Variants in GPC6 observed in about 807,000 individuals in gnomAD.
GPC6 encodes the protein glypican 6.
Under a neutral mutation model 55.2 loss-of-function variants are expected in GPC6, and 14 were observed. That is an observed-to-expected ratio of 0.25 (90% confidence interval 0.17 to 0.40). The LOEUF (loss-of-function observed/expected upper bound fraction) is 0.40. Among genes scored for constraint, GPC6 ranks in the 10% least tolerant of loss-of-function variants. The pLI is 1.00. For synonymous variants in GPC6, 278 were observed against 259.6 expected (o/e 1.07, Z -0.68); for missense variants, 641 against 708.5 (o/e 0.90, Z 1.08).
intron 1 of GPC6, among the ~76,000 whole-genome samples, chr13:93,477,964 TG>T (rs1279361928): frequency 6.6e-6 from 1 of 151,218 alleles, no homozygotes; most frequent in Non-Finnish European, 1.5e-5. Context: ...AGATAGTTAA[TG>T]GTACTTGGAT....
Position 93,985,411 on chromosome 13 carries a change from C to T in GPC6, c.712-42318C>T, listed in dbSNP as rs544219261. ...GAGATCACACCACTGCACTCCAGCC[C>T]GGGCAACAGAGCAAGACTCCGTCTC... On this transcript the variant is annotated intron_variant, in intron 3 of 8. Coordinates refer to ENST00000377047, the MANE Select transcript of GPC6 (RefSeq NM_005708.5). Among the ~76,000 whole-genome samples, 97 of 150,980 alleles carry T rather than the reference C, an allele frequency of 6.4e-4. 1 individual carries two copies. Among genetic ancestry groups the T allele is most frequent in the African/African-American group, 2.2e-3 (90 of 41,080 alleles).
At chr13:93,499,244 G>A (rs930423174) in intron 1 of GPC6, among the ~76,000 whole-genome samples, 5 of 152,092 alleles carry the variant, frequency 3.3e-5, no homozygotes, top group African/African-American at 1.2e-4. Flanking sequence ...TGGATTATTG[G>A]TTTTAAGATT....
At chr13:93,739,549 C>T (rs568924913) in intron 2 of GPC6, among the ~76,000 whole-genome samples, 1 of 152,040 alleles carries the variant, frequency 6.6e-6, no homozygotes, top group African/African-American at 2.4e-5. Flanking sequence ...CCTGCCTCAG[C>T]CTCCTGAGTA....
At chr13:94,239,536 T>A (rs550579723) in intron 4 of GPC6, among the ~76,000 whole-genome samples, 4 of 152,142 alleles carry the variant, frequency 2.6e-5, no homozygotes, top group Non-Finnish European at 4.4e-5. Context: ...TTTTTAAAAC[T>A]TTTTTAAAAA....
intron 7 of GPC6, among the ~76,000 whole-genome samples, chr13:94,384,725 C>A (rs965786572): frequency 6.6e-6 from 1 of 152,052 alleles, no homozygotes. Context: ...CCACTGTTAC[C>A]CAATGAACAA....
Position 94,033,705 on chromosome 13 carries a change from T to C in GPC6, c.877+5811T>C, listed in dbSNP as rs116517144. On this transcript the variant is annotated intron_variant, in intron 4 of 8. Transcript: ENST00000377047. ...TAGTTACAAATAATTCCATAGTAAATATGATATGACACTGGCTGATATTCC... is the reference window on the plus strand; with the variant it reads ...TAGTTACAAATAATTCCATAGTAAACATGATATGACACTGGCTGATATTCC... Among the ~76,000 whole-genome samples, 1,487 of 152,212 alleles carry C rather than the reference T, an allele frequency of 9.8e-3. 30 individuals are homozygous for C. Among genetic ancestry groups the C allele is most frequent in the South Asian group, 0.066 (317 of 4,820 alleles).
chr13:94,167,957 A>G (rs951006577), intron 4 of GPC6, among the ~76,000 whole-genome samples: 6 of 152,224 alleles, frequency 3.9e-5, no homozygotes, highest in Non-Finnish European at 8.8e-5. Flanking sequence ...ATTCCATAAC[A>G]GTTTTATTTA....
chr13:93,420,300 A>T (rs1294641221), intron 1 of GPC6, among the ~76,000 whole-genome samples: 11 of 152,176 alleles, frequency 7.2e-5, no homozygotes, highest in South Asian at 2.1e-4. Context: ...CTCTGATCCC[A>T]GTTTAATGAA....
intron 6 of GPC6, among the ~76,000 whole-genome samples, chr13:94,355,354 C>T (rs1016936248): frequency 6.6e-6 from 1 of 152,154 alleles, no homozygotes; most frequent in African/African-American, 2.4e-5. Context: ...CCATCGTCCT[C>T]CAGGGTTGCA....
chr13:94,091,463 C>G (rs1371978957), intron 4 of GPC6, among the ~76,000 whole-genome samples: 1 of 152,058 alleles, frequency 6.6e-6, no homozygotes, highest in Non-Finnish European at 1.5e-5. Context: ...GCAAAGAAAT[C>G]AATAAAGTAT....
rs566196106 is a variant in GPC6, at chr13:93,450,685, C to T, written c.161-94578C>T. Reference sequence around the variant, plus strand: ...CGTACTTCTGTGGAAGGAGTAGAAGCTGCTAGGAGCTCCAACACTTCCCAC... The same window carrying T: ...CGTACTTCTGTGGAAGGAGTAGAAGTTGCTAGGAGCTCCAACACTTCCCAC... On this transcript the variant is annotated intron_variant, in intron 1 of 8. Coordinates refer to ENST00000377047, the MANE Select transcript of GPC6 (RefSeq NM_005708.5). The T allele has an allele frequency of 1.7e-3, 1,554 of 937,186 alleles. 4 individuals carry two copies. Among genetic ancestry groups the T allele is most frequent in the Admixed American group, 2.2e-3 (36 of 16,234 alleles). 58.1% of individuals were successfully genotyped at this position (937,186 alleles called of 1,614,324 possible).
At chr13:94,389,774 C>CA (rs141289674) in intron 7 of GPC6, among the ~76,000 whole-genome samples, 3,376 of 152,298 alleles carry the variant, frequency 0.022, 134 homozygotes, top group African/African-American at 0.074. Flanking sequence ...GGTCTTGAGT[C>CA]AGTCATTTCC....
intron 2 of GPC6, among the ~76,000 whole-genome samples, chr13:93,742,023 T>G (rs1190036094): frequency 1.3e-5 from 2 of 152,242 alleles, no homozygotes; most frequent in African/African-American, 4.8e-5. Context: ...TCTTGAGAGT[T>G]GCTTGATTAG....
At chr13:93,991,363 G>T (rs1006977206) in intron 3 of GPC6, among the ~76,000 whole-genome samples, 6 of 152,052 alleles carry the variant, frequency 3.9e-5, no homozygotes, top group Admixed American at 6.6e-5. Context: ...TGAGGTCACT[G>T]TACTTTATTT....
chr13:93,324,964 G>A (rs565654465), intron 1 of GPC6, among the ~76,000 whole-genome samples: 2 of 152,148 alleles, frequency 1.3e-5, no homozygotes, highest in African/African-American at 2.4e-5. Flanking sequence ...TGGAGCCAGC[G>A]TGAAACCTAC....
chr13:94,287,608 A>G (rs4142341), intron 5 of GPC6, among the ~76,000 whole-genome samples: 96,841 of 151,880 alleles, frequency 0.64, 32,220 homozygotes, highest in African/African-American at 0.83. Context: ...GAGTTTCATA[A>G]GCCTTTTTGG....
At chr13:93,471,040 T>C (rs544789447) in intron 1 of GPC6, among the ~76,000 whole-genome samples, 10 of 152,332 alleles carry the variant, frequency 6.6e-5, no homozygotes, top group Admixed American at 2.0e-4. Context: ...CCAATTTTGT[T>C]GATTTTTTAA....
chr13:93,448,185 G>T (rs1281320389), intron 1 of GPC6, among the ~76,000 whole-genome samples: 1 of 152,090 alleles, frequency 6.6e-6, no homozygotes, highest in African/African-American at 2.4e-5. Context: ...TTTGGTCAAG[G>T]ATGAACCACA....
chr13:93,451,533 T>G (rs777349413), intron 1 of GPC6, among the ~76,000 whole-genome samples: 1 of 152,186 alleles, frequency 6.6e-6, no homozygotes, highest in South Asian at 2.1e-4. Flanking sequence ...TTTTCACACA[T>G]AAAATTGTGT....
Sources: gnomAD v4.1 joint callset for allele counts (sites outside exome capture counted in the v4.1 genomes callset) on GRCh38, gnomAD v4.1.1 for gene constraint, MANE v1.5 for transcripts, NCBI Gene and HGNC (gene_info 2026-07-23, HGNC 2026-07-21) for gene names.